KIF6: variants seen among roughly 807,000 people sequenced by gnomAD.
KIF6 encodes the protein kinesin-like protein KIF6.
A neutral mutation model predicts 112.7 loss-of-function variants in KIF6; 106 were observed. That is an observed-to-expected ratio of 0.94 (90% CI 0.80 to 1.11). KIF6 has a LOEUF of 1.11. Among genes scored for constraint, KIF6 ranks in the 50% least tolerant of loss-of-function variants. KIF6 has a pLI of 0.00. For synonymous variants in KIF6, 339 were observed against 339.9 expected (o/e 1.00, Z 0.03); for missense variants, 929 against 964.0 (o/e 0.96, Z 0.48).
chr6:39,632,749 C>T (rs1023491793), intron 5 of KIF6, among the ~76,000 whole-genome samples: 2 of 152,072 alleles, frequency 1.3e-5, no homozygotes, highest in African/African-American at 4.8e-5. Flanking sequence ...CTCAGCCTCC[C>T]GAGTAGCTAG....
At chr6:39,421,713 G>A (rs922265579) in intron 14 of KIF6, among the ~76,000 whole-genome samples, 2 of 152,188 alleles carry the variant, frequency 1.3e-5, no homozygotes, top group African/African-American at 2.4e-5. Context: ...TCCGCCCCTG[G>A]CTCCCTTATT....
intron 9 of KIF6, among the ~76,000 whole-genome samples, chr6:39,581,491 A>T (rs1241913031): frequency 6.6e-6 from 1 of 151,698 alleles, no homozygotes; most frequent in East Asian, 1.9e-4. Context: ...TTGCTTGGGG[A>T]TTGTCAGACT....
In KIF6 at chr6:39,639,704, C is replaced by G; in HGVS notation, c.305G>C (p.Gly102Ala). 1 of 1,612,520 alleles carries G rather than the reference C, an allele frequency of 6.2e-7. No homozygotes were observed. The highest frequency in any genetic ancestry group is 8.5e-7 in the Non-Finnish European group (1 of 1,179,128). Reference sequence around the variant, plus strand: ...ACCCCCTGTGATAGTGAATGTCTTCCCGCTGCCTGTTTGCCCATATGCAAA... The same window carrying G: ...ACCCCCTGTGATAGTGAATGTCTTCGCGCTGCCTGTTTGCCCATATGCAAA... ...TIFAYGQTGSGKTFTITGGAE... is the reference protein window; with the variant it reads ...TIFAYGQTGSAKTFTITGGAE... The change falls in exon 4 of 23, where the codon GGG (glycine) becomes GCG (alanine). Residue 102 changes from glycine to alanine, a missense_variant. Coordinates refer to ENST00000287152, the MANE Select transcript of KIF6 (RefSeq NM_145027.6).
chr6:39,483,701 C>T (rs762918828), intron 13 of KIF6, among the ~76,000 whole-genome samples: 5 of 152,172 alleles, frequency 3.3e-5, no homozygotes, highest in East Asian at 1.9e-4. Context: ...GGCCTTTATC[C>T]GAGATTCAAA....
chr6:39,449,691 G>C (rs1383045237), intron 13 of KIF6, among the ~76,000 whole-genome samples: 1 of 152,178 alleles, frequency 6.6e-6, no homozygotes, highest in Non-Finnish European at 1.5e-5. Context: ...CTCCAGTACA[G>C]TAGGATGAAA....
chr6:39,399,177 A>G (rs928659970), intron 15 of KIF6, among the ~76,000 whole-genome samples: 1 of 152,186 alleles, frequency 6.6e-6, no homozygotes, highest in Non-Finnish European at 1.5e-5. Context: ...CTCTGTATCT[A>G]TGCACATCCT....
At chr6:39,424,746 G>A (rs756194824) in intron 14 of KIF6, among the ~76,000 whole-genome samples, 15 of 152,216 alleles carry the variant, frequency 9.9e-5, no homozygotes, top group Non-Finnish European at 1.6e-4. Context: ...GCCTGGCAGT[G>A]TAGGAACCCC....
intron 10 of KIF6, chr6:39,553,789 T>G (rs1486507231): frequency 6.6e-6 from 1 of 152,144 alleles, no homozygotes; most frequent in African/African-American, 2.4e-5. Flanking sequence ...AAATAAGAGA[T>G]GAAAATAGCT....
At chr6:39,424,881 T>A (rs1223250741) in intron 14 of KIF6, among the ~76,000 whole-genome samples, 1 of 152,150 alleles carries the variant, frequency 6.6e-6, no homozygotes, top group Admixed American at 6.5e-5. Context: ...TCAAGGACAC[T>A]CAAGATGGTT....
At chr6:39,597,142 C>A (rs1473463401) in intron 6 of KIF6, among the ~76,000 whole-genome samples, 2 of 151,908 alleles carry the variant, frequency 1.3e-5, no homozygotes, top group African/African-American at 4.8e-5. Flanking sequence ...ATGTAAATGT[C>A]TATATATTAA....
chr6:39,336,628 GA>G, intron 22 of KIF6, 80 bp from the exon 23 acceptor site: 1 of 1,314,040 alleles, frequency 7.6e-7, no homozygotes, highest in Non-Finnish European at 1.1e-6. Flanking sequence ...GGGGGGAGGG[GA>G]GGCCACCAGC....
At chr6:39,544,724 T>C (rs544888155) in intron 11 of KIF6, 31 bp from the exon 12 acceptor site, 6 of 1,351,258 alleles carry the variant, frequency 4.4e-6, no homozygotes, top group African/African-American at 4.4e-5. Context: ...TTAGTACCCA[T>C]ATCTCTAGTC....
At chr6:39,364,016 G>C (rs1765371651) in intron 16 of KIF6, among the ~76,000 whole-genome samples, 2 of 152,000 alleles carry the variant, frequency 1.3e-5, no homozygotes. Context: ...CTTTGGAGCA[G>C]TGTAGCATAT....
chr6:39,363,050 G>T (rs1403322818), intron 16 of KIF6, among the ~76,000 whole-genome samples: 1 of 152,224 alleles, frequency 6.6e-6, no homozygotes, highest in Non-Finnish European at 1.5e-5. Context: ...TCGGGAGGCT[G>T]AGGCAGGAGA....
At chr6:39,680,205 G>A (rs936021401) in intron 3 of KIF6, among the ~76,000 whole-genome samples, 2 of 149,704 alleles carry the variant, frequency 1.3e-5, no homozygotes, top group African/African-American at 2.5e-5. Context: ...ACAAAGTTTC[G>A]CCATGTTGGC....
intron 13 of KIF6, among the ~76,000 whole-genome samples, chr6:39,503,107 C>A (rs948351744): frequency 8.6e-5 from 13 of 151,502 alleles, no homozygotes; most frequent in African/African-American, 2.2e-4. Context: ...CACTCCTCAG[C>A]AAATGCAACA....
At chr6:39,348,514 C>T (rs1763974437) in intron 19 of KIF6, among the ~76,000 whole-genome samples, 1 of 152,124 alleles carries the variant, frequency 6.6e-6, no homozygotes, top group African/African-American at 2.4e-5. Flanking sequence ...AGCTTGGTTT[C>T]TGTAATTCTG....
chr6:39,548,232 G>T (rs1463452305), intron 10 of KIF6, among the ~76,000 whole-genome samples: 1 of 152,164 alleles, frequency 6.6e-6, no homozygotes, highest in Non-Finnish European at 1.5e-5. Context: ...TGGACTCCTA[G>T]CTCAGAAGGA....
At chr6:39,471,036 C>G (rs1243459505) in intron 13 of KIF6, among the ~76,000 whole-genome samples, 1 of 152,192 alleles carries the variant, frequency 6.6e-6, no homozygotes, top group African/African-American at 2.4e-5. Flanking sequence ...TTGAGTTTGC[C>G]AGAAGTTTGT....
Sources: gnomAD v4.1 joint callset for allele counts (sites outside exome capture counted in the v4.1 genomes callset) on GRCh38, gnomAD v4.1.1 for gene constraint, MANE v1.5 for transcripts, NCBI Gene and HGNC (gene_info 2026-07-23, HGNC 2026-07-21) for gene names.